PALLD: variants seen among roughly 807,000 people sequenced by gnomAD.
PALLD encodes the protein palladin.
In PALLD, 61 loss-of-function variants were observed where a neutral mutation model predicts 123.5. The ratio of observed to expected loss-of-function variants is 0.49; its 90% confidence interval spans 0.40 to 0.61. The LOEUF is 0.61. Among genes scored for constraint, PALLD ranks in the 20% least tolerant of loss-of-function variants. The pLI is 0.00. For synonymous variants in PALLD, 465 were observed against 496.4 expected, an observed-to-expected ratio of 0.94 and a Z score of 0.84; for missense variants, 1,273 against 1,377.0, an observed-to-expected ratio of 0.92 and a Z score of 1.20.
chr4:168,815,898 C>G (rs750433671), intron 10 of PALLD, among the ~76,000 whole-genome samples: 2 of 152,172 alleles, frequency 1.3e-5, no homozygotes, highest in Non-Finnish European at 2.9e-5. Context: ...CTTAAGGGTA[C>G]TTTCTTCTGG....
chr4:168,518,433 G>A (rs1763212952), intron 2 of PALLD, among the ~76,000 whole-genome samples: 1 of 152,138 alleles, frequency 6.6e-6, no homozygotes, highest in Non-Finnish European at 1.5e-5. Context: ...AAAATCCATA[G>A]TTCTTATACA....
chr4:168,708,387 A>G lies in PALLD; in HGVS notation c.1502-641A>G, dbSNP rs2150192199. Reference sequence around the variant, plus strand: ...TTCTATTATTGTCTCCATTTTACGGAGAAGAACACTGAAGTTCAGGGAGAC... The same window carrying G: ...TTCTATTATTGTCTCCATTTTACGGGGAAGAACACTGAAGTTCAGGGAGAC... On this transcript the variant is annotated intron_variant, in intron 8 of 21. Coordinates refer to ENST00000505667, the MANE Select transcript of PALLD (RefSeq NM_001166108.2). Among the ~76,000 whole-genome samples, 3 of 152,302 alleles carry G rather than the reference A, an allele frequency of 2.0e-5. No homozygotes were observed. The East Asian group carries it at 5.8e-4, about 29-fold the overall frequency.
intron 2 of PALLD, among the ~76,000 whole-genome samples, chr4:168,663,343 G>T (rs1779307180): frequency 6.6e-6 from 1 of 152,208 alleles, no homozygotes; most frequent in Non-Finnish European, 1.5e-5. Flanking sequence ...AGGTGCCTTT[G>T]CCTAGGAACC....
chr4:168,515,935 A>G (rs1291262267), intron 2 of PALLD, among the ~76,000 whole-genome samples: 1 of 152,204 alleles, frequency 6.6e-6, no homozygotes, highest in Non-Finnish European at 1.5e-5. Flanking sequence ...TGGATAAAGA[A>G]GCCCCCACTC....
At chr4:168,737,607 C>T (rs1787889150) in intron 10 of PALLD, among the ~76,000 whole-genome samples, 1 of 152,098 alleles carries the variant, frequency 6.6e-6, no homozygotes, top group Non-Finnish European at 1.5e-5. Flanking sequence ...TTTCTTTCCT[C>T]ATCTTTTCTG....
intron 2 of PALLD, among the ~76,000 whole-genome samples, chr4:168,535,446 A>G (rs1411851030): frequency 2.0e-5 from 3 of 152,224 alleles, no homozygotes; most frequent in Non-Finnish European, 2.9e-5. Flanking sequence ...GTTACCTTCT[A>G]CTACCAGAAG....
chr4:168,537,694 G>A (rs1008959733), intron 2 of PALLD: 4 of 152,172 alleles, frequency 2.6e-5, no homozygotes, highest in African/African-American at 9.7e-5. Context: ...CGAACATCTT[G>A]AGTCTGCAAA....
intron 2 of PALLD, among the ~76,000 whole-genome samples, chr4:168,604,480 G>A (rs1312322039): frequency 6.6e-6 from 1 of 152,118 alleles, no homozygotes; most frequent in Non-Finnish European, 1.5e-5. Flanking sequence ...ATATAACAGT[G>A]CCTGAATTTG....
chr4:168,820,535 G>A (rs1392753), intron 10 of PALLD, among the ~76,000 whole-genome samples: 140,149 of 152,260 alleles, frequency 0.92, 64,638 homozygotes, highest in African/African-American at 0.98. Context: ...CCAGTTATGC[G>A]TATGGATACA....
intron 10 of PALLD, among the ~76,000 whole-genome samples, chr4:168,837,744 G>A (rs1745403495): frequency 6.6e-6 from 1 of 152,212 alleles, no homozygotes; most frequent in Admixed American, 6.5e-5. Flanking sequence ...GCAAGTCTGG[G>A]ACCTCATTAA....
chr4:168,889,515 A>G (rs558854161), intron 10 of PALLD, among the ~76,000 whole-genome samples: 1 of 152,130 alleles, frequency 6.6e-6, no homozygotes, highest in Non-Finnish European at 1.5e-5. Flanking sequence ...TATGTAATAT[A>G]AATAAGGAAG....
chr4:168,836,924 A>G (rs1745282857), intron 10 of PALLD, among the ~76,000 whole-genome samples: 1 of 152,222 alleles, frequency 6.6e-6, no homozygotes, highest in Non-Finnish European at 1.5e-5. Context: ...CACTATATAT[A>G]ACATGGTTTT....
chr4:168,925,375 G>C lies in PALLD; in HGVS notation c.*32+97G>C, dbSNP rs960738169. The C allele has an allele frequency of 7.5e-5, 68 of 900,748 alleles. No individual in the cohort carries two copies. The Admixed American group carries it at 1.2e-3, about 16-fold the overall frequency. 55.8% of individuals were successfully genotyped at this position (900,748 alleles called of 1,614,324 possible). ...TGGCTTCCTTACTCAAGCATCCTTA[G>C]GAGTTAACAGTAGGCAAAGGCATAA... On this transcript the variant is annotated intron_variant, in intron 21 of 21. Transcript: ENST00000505667.
At chr4:168,531,464 C>A (rs1764590693) in intron 2 of PALLD, among the ~76,000 whole-genome samples, 1 of 152,174 alleles carries the variant, frequency 6.6e-6, no homozygotes, top group African/African-American at 2.4e-5. Context: ...CACTCAGTGT[C>A]CGGCACTCCA....
chr4:168,542,717 C>CATATATATGTATATATAT, intron 2 of PALLD, among the ~76,000 whole-genome samples: 1 of 88,930 alleles, frequency 1.1e-5, no homozygotes, highest in Non-Finnish European at 2.2e-5. Context: ...CTAACCTTTC[C>CATATATATGTATATATAT]ATATATATAT....
chr4:168,800,884 G>A (rs961774612), intron 10 of PALLD, among the ~76,000 whole-genome samples: 2 of 152,158 alleles, frequency 1.3e-5, no homozygotes, highest in African/African-American at 4.8e-5. Context: ...AGTAGAACAA[G>A]TAAGGAAATT....
At chr4:168,590,042 G>T (rs1375734698) in intron 2 of PALLD, among the ~76,000 whole-genome samples, 2 of 152,184 alleles carry the variant, frequency 1.3e-5, no homozygotes, top group Non-Finnish European at 2.9e-5. Context: ...TTGACTAGAA[G>T]TCTTAACCAC....
intron 10 of PALLD, among the ~76,000 whole-genome samples, chr4:168,740,402 A>T (rs537978736): frequency 6.6e-6 from 1 of 152,208 alleles, no homozygotes; most frequent in Non-Finnish European, 1.5e-5. Flanking sequence ...ATATTCCTCA[A>T]TGTATGAAAA....
chr4:168,593,740 T>C (rs1332466604), intron 2 of PALLD, among the ~76,000 whole-genome samples: 1 of 152,218 alleles, frequency 6.6e-6, no homozygotes, highest in Non-Finnish European at 1.5e-5. Flanking sequence ...TAGAACCAAT[T>C]TGGAACACTT....
Sources: allele counts gnomAD v4.1 joint callset (sites outside exome capture counted in the v4.1 genomes callset), GRCh38; gene constraint gnomAD v4.1.1; transcripts MANE v1.5; gene names NCBI Gene and HGNC (gene_info 2026-07-23, HGNC 2026-07-21).